Variants in COL28A1 observed in about 807,000 individuals in gnomAD.
COL28A1 encodes the protein collagen alpha-1(XXVIII) chain.
In COL28A1, 161 loss-of-function variants were observed where a neutral mutation model predicts 150.2. That is an observed-to-expected ratio of 1.07 (90% CI 0.94 to 1.22). The LOEUF is 1.22. COL28A1 is among the 50% of genes most tolerant of loss of function. The pLI is 0.00. For missense variants in COL28A1, 1,617 were observed against 1,388.3 expected (o/e 1.16, Z -2.62); for synonymous variants, 552 against 469.7 (o/e 1.18, Z -2.26).
intron 25 of COL28A1, among the ~76,000 whole-genome samples, chr7:7,423,694 C>T (rs1316544343): frequency 6.6e-6 from 1 of 151,900 alleles, no homozygotes; most frequent in Non-Finnish European, 1.5e-5. Context: ...TAAAACCTCC[C>T]CTCAACTAGT....
intron 5 of COL28A1, 51 bp from the exon 6 acceptor site, chr7:7,520,166 C>A (rs777612787): frequency 1.2e-6 from 1 of 841,518 alleles, no homozygotes; most frequent in Non-Finnish European, 2.0e-6. Context: ...CTATTGTTTT[C>A]TATACTTTAT....
the COL28A1 span, among the ~76,000 whole-genome samples, chr7:7,350,188 C>T: frequency 6.6e-6 from 1 of 152,048 alleles, no homozygotes; most frequent in Non-Finnish European, 1.5e-5. Flanking sequence ...ATGACAGTCT[C>T]AGGGTGGAGA....
intron 27 of COL28A1, among the ~76,000 whole-genome samples, chr7:7,383,250 T>TGTGTGTGTG (rs779270093): frequency 9.3e-6 from 1 of 107,142 alleles, no homozygotes; most frequent in African/African-American, 3.5e-5. Flanking sequence ...CTTTTTTTTG[T>TGTGTGTGTG]TGTGTGTGTG....
rs775450045 is a variant in COL28A1, at chr7:7,531,836, C to T, written c.193G>A (p.Asp65Asn). 6.2e-7 allele frequency: 1 copy of T among 1,607,430 alleles called. No individual in the cohort carries two copies. The highest frequency in any genetic ancestry group is 1.7e-5 in the Admixed American group (1 of 60,000). The change falls in exon 3 of 35, where the codon GAT (aspartate) becomes AAT (asparagine). Residue 65 changes from aspartate to asparagine, a missense_variant. By Grantham distance (23) the Asp-to-Asn change is conservative (BLOSUM62 1). Coordinates refer to ENST00000399429, the MANE Select transcript of COL28A1 (RefSeq NM_001037763.3). ...SSESSKIALF[D>N]KQKDFVDSLS... Reference sequence around the variant, plus strand: ...CTATCCACAAAATCTTTCTGTTTATCAAAGAGGGCAATTTTAGAACTTTCA... The same window carrying T: ...CTATCCACAAAATCTTTCTGTTTATTAAAGAGGGCAATTTTAGAACTTTCA...
chr7:7,454,761 G>A (rs930941424), intron 16 of COL28A1, among the ~76,000 whole-genome samples: 3 of 152,162 alleles, frequency 2.0e-5, no homozygotes, highest in African/African-American at 7.2e-5. Flanking sequence ...GCCACTTTTG[G>A]GATAAGTAAG....
At position 7,531,081 on chromosome 7, in the gene COL28A1, G is replaced by A. The variant is rs532716096; in HGVS notation, c.681+267C>T. On this transcript the variant is annotated intron_variant, in intron 3 of 34. Coordinates refer to ENST00000399429, the MANE Select transcript of COL28A1 (RefSeq NM_001037763.3). ...AACAGGAGCTTAAGGTATATGATTGGAAAATAACCCCTTCCAAAATCCTCA... is the reference window on the plus strand; with the variant it reads ...AACAGGAGCTTAAGGTATATGATTGAAAAATAACCCCTTCCAAAATCCTCA... 1.7e-4 allele frequency among the ~76,000 whole-genome samples: 26 copies of A among 152,208 alleles called. No homozygotes were observed. In the South Asian group the frequency reaches 5.4e-3, roughly 32 times the overall value.
At chr7:7,507,843 G>A (rs931980238) in intron 9 of COL28A1, among the ~76,000 whole-genome samples, 10 of 152,140 alleles carry the variant, frequency 6.6e-5, no homozygotes, top group African/African-American at 1.4e-4. Context: ...GCATATTTTC[G>A]TCCAGTTTTA....
At chr7:7,347,105 C>T in the COL28A1 span, among the ~76,000 whole-genome samples, 1 of 151,994 alleles carries the variant, frequency 6.6e-6, no homozygotes, top group Admixed American at 6.6e-5. Flanking sequence ...GATCTTGATT[C>T]AGATGAATTA....
intron 13 of COL28A1, among the ~76,000 whole-genome samples, chr7:7,478,860 C>G (rs1481900593): frequency 1.3e-5 from 2 of 152,250 alleles, no homozygotes; most frequent in African/African-American, 2.4e-5. Flanking sequence ...CAAGCCCATG[C>G]CCACCCGGAA....
chr7:7,504,586 C>A (rs1350321687), intron 11 of COL28A1, among the ~76,000 whole-genome samples: 4 of 152,172 alleles, frequency 2.6e-5, no homozygotes, highest in Admixed American at 2.0e-4. Flanking sequence ...ACCACAACTG[C>A]CAGCCACGAC....
At chr7:7,463,800 G>A (rs772260127) in intron 15 of COL28A1, among the ~76,000 whole-genome samples, 2 of 152,036 alleles carry the variant, frequency 1.3e-5, no homozygotes, top group African/African-American at 4.8e-5. Flanking sequence ...ACAGTGAATG[G>A]TACCTCACAT....
chr7:7,367,919 C>A (rs539273186), intron 33 of COL28A1, among the ~76,000 whole-genome samples: 122 of 152,020 alleles, frequency 8.0e-4, no homozygotes, highest in African/African-American at 2.8e-3. Flanking sequence ...CTACCCAAAC[C>A]CCTCCCTCTC....
At chr7:7,399,816 A>G (rs2128298184) in intron 27 of COL28A1, among the ~76,000 whole-genome samples, 1 of 152,326 alleles carries the variant, frequency 6.6e-6, no homozygotes, top group South Asian at 2.1e-4. Context: ...AATAAAGCAG[A>G]TAAGGGAGTA....
At chr7:7,512,366 C>T (rs1781192159) in intron 8 of COL28A1, among the ~76,000 whole-genome samples, 1 of 152,022 alleles carries the variant, frequency 6.6e-6, no homozygotes, top group Non-Finnish European at 1.5e-5. Flanking sequence ...GCATTCTCAC[C>T]ACAAAAACTG....
chr7:7,517,745 T>C, intron 7 of COL28A1, 51 bp downstream of exon 7: 1 of 1,611,804 alleles, frequency 6.2e-7, no homozygotes. Flanking sequence ...AACCACAAAA[T>C]CAGTAACCTA....
At chr7:7,397,379 T>A (rs1053608873) in intron 27 of COL28A1, among the ~76,000 whole-genome samples, 1 of 152,108 alleles carries the variant, frequency 6.6e-6, no homozygotes, top group Non-Finnish European at 1.5e-5. Flanking sequence ...TCCAGGATAA[T>A]CTCCCCAACT....
intron 15 of COL28A1, among the ~76,000 whole-genome samples, chr7:7,465,215 G>A (rs1787970734): frequency 6.6e-6 from 1 of 151,750 alleles, no homozygotes; most frequent in African/African-American, 2.4e-5. Flanking sequence ...CCACTAGGGA[G>A]TGCCAGACAG....
chr7:7,499,250 G>A (rs1247194822), intron 11 of COL28A1, among the ~76,000 whole-genome samples: 1 of 152,090 alleles, frequency 6.6e-6, no homozygotes, highest in Non-Finnish European at 1.5e-5. Context: ...TGGCGGCTTG[G>A]CTATGAGTCT....
chr7:7,455,887 C>T (rs1346222205), intron 16 of COL28A1, among the ~76,000 whole-genome samples, 157 bp downstream of exon 16: 2 of 152,178 alleles, frequency 1.3e-5, no homozygotes, highest in Non-Finnish European at 2.9e-5. Context: ...TCTCATGAAA[C>T]CATCTTATCC....
Sources: gnomAD v4.1 joint callset for allele counts (sites outside exome capture counted in the v4.1 genomes callset) on GRCh38, gnomAD v4.1.1 for gene constraint, MANE v1.5 for transcripts, NCBI Gene and HGNC (gene_info 2026-07-23, HGNC 2026-07-21) for gene names.